TLE4: variants seen among roughly 807,000 people sequenced by gnomAD.
The protein encoded by TLE4 is TLE family member 4, transcriptional corepressor, also known as transducin-like enhancer protein 4.
In TLE4, 8 loss-of-function variants were observed where a neutral mutation model predicts 92.8. The observed-to-expected ratio is 0.09, with a 90% CI of 0.05 to 0.16. The LOEUF is 0.16. TLE4 is among the 10% of genes least tolerant of loss of function. The probability of loss-of-function intolerance (pLI) is 1.00; values close to 1 mark genes in which losing one functional copy is unlikely to be tolerated. For synonymous variants in TLE4, 371 were observed against 374.1 expected (o/e 0.99, Z 0.10); for missense variants, 675 against 997.6 (o/e 0.68, Z 4.36).
intron 7 of TLE4, among the ~76,000 whole-genome samples, chr9:79,653,126 TTGAC>T (rs1405064194): frequency 1.3e-5 from 2 of 152,232 alleles, no homozygotes; most frequent in African/African-American, 2.4e-5. Context: ...ATAGTTAACT[TTGAC>T]TGAATTTATT....
In TLE4 at chr9:79,652,586, A is replaced by G. The variant is rs1039953624; in HGVS notation, c.391-7A>G. 42 of 1,613,812 alleles carry G rather than the reference A, an allele frequency of 2.6e-5. No individual in the cohort carries two copies. The highest frequency in any genetic ancestry group is 5.3e-5 in the African/African-American group (4 of 74,874). ...ATTCAATATCTGTGTTTAATTTTTCACAGCAGCAACAACTCCAGGCCCAGC... is the reference window on the plus strand; with the variant it reads ...ATTCAATATCTGTGTTTAATTTTTCGCAGCAGCAACAACTCCAGGCCCAGC... On this transcript the variant is annotated splice_polypyrimidine_tract_variant and splice_region_variant and intron_variant, in intron 6 of 19. Transcript: ENST00000376552.
At chr9:79,598,736 G>A (rs924145552) in intron 4 of TLE4, among the ~76,000 whole-genome samples, 8 of 152,036 alleles carry the variant, frequency 5.3e-5, no homozygotes, top group African/African-American at 1.9e-4. Flanking sequence ...AGCCAGAAGG[G>A]TTTTCTTCCC....
intron 4 of TLE4, among the ~76,000 whole-genome samples, chr9:79,594,367 T>A (rs978748103): frequency 6.6e-6 from 1 of 152,242 alleles, no homozygotes; most frequent in African/African-American, 2.4e-5. Flanking sequence ...ATAGTTTATA[T>A]AGTTCATGAA....
At chr9:79,693,602 C>A in intron 8 of TLE4, 1 of 501,994 alleles carries the variant, frequency 2.0e-6, no homozygotes, top group Non-Finnish European at 3.9e-6. Context: ...GACATGCATG[C>A]ACACATGCCA....
chr9:79,660,280 G>A (rs1330006032), intron 8 of TLE4, among the ~76,000 whole-genome samples: 3 of 152,188 alleles, frequency 2.0e-5, no homozygotes, highest in Non-Finnish European at 2.9e-5. Context: ...TTGGAATGTA[G>A]CTATTTTCTT....
At chr9:79,642,162 G>A (rs781776528) in intron 6 of TLE4, among the ~76,000 whole-genome samples, 1 of 151,568 alleles carries the variant, frequency 6.6e-6, no homozygotes, top group South Asian at 2.1e-4. Context: ...CACCTCTGAC[G>A]TTCTAAGATC....
chr9:79,720,602 G>A (rs1329661741), intron 16 of TLE4, among the ~76,000 whole-genome samples: 8 of 151,994 alleles, frequency 5.3e-5, no homozygotes, highest in Non-Finnish European at 1.0e-4. Flanking sequence ...AATAAAATGA[G>A]GTCAATTTGA....
intron 4 of TLE4, among the ~76,000 whole-genome samples, chr9:79,602,033 ATAT>A (rs1239136496): frequency 6.6e-6 from 1 of 152,212 alleles, no homozygotes; most frequent in African/African-American, 2.4e-5. Flanking sequence ...ACCAGCCATA[ATAT>A]TCCCTTAAGC....
intron 4 of TLE4, among the ~76,000 whole-genome samples, chr9:79,606,082 G>A (rs1177150956): frequency 6.7e-6 from 1 of 149,298 alleles, no homozygotes; most frequent in Non-Finnish European, 1.5e-5. Flanking sequence ...AAAACAGCAA[G>A]TCTTAGTTTT....
chr9:79,680,090 C>G (rs1468794380), intron 8 of TLE4, among the ~76,000 whole-genome samples: 1 of 151,454 alleles, frequency 6.6e-6, no homozygotes, highest in Non-Finnish European at 1.5e-5. Flanking sequence ...GGATTGACTT[C>G]GTGATGCAGG....
chr9:79,699,240 T>G (rs939703076), intron 8 of TLE4, among the ~76,000 whole-genome samples: 2 of 152,142 alleles, frequency 1.3e-5, no homozygotes, highest in Non-Finnish European at 2.9e-5. Flanking sequence ...GAGGAAAATA[T>G]GATTGAGGAC....
At chr9:79,710,825 C>T (rs1046181061) in intron 14 of TLE4, among the ~76,000 whole-genome samples, 9 of 152,092 alleles carry the variant, frequency 5.9e-5, no homozygotes, top group African/African-American at 2.2e-4. Flanking sequence ...CTATAAGTTC[C>T]ATGAAAACAG....
chr9:79,578,830 GA>G (rs1304264837), intron 4 of TLE4, among the ~76,000 whole-genome samples: 1 of 123,354 alleles, frequency 8.1e-6, no homozygotes, highest in East Asian at 2.1e-4. Flanking sequence ...AGAATTAGTG[GA>G]TTTTTTTTTT....
chr9:79,707,674 T>C (rs1201225876), intron 11 of TLE4, among the ~76,000 whole-genome samples: 2 of 152,242 alleles, frequency 1.3e-5, no homozygotes, highest in Non-Finnish European at 2.9e-5. Context: ...CTTCTTTTAA[T>C]GGCACCTGCT....
At chr9:79,634,270 G>T (rs979748075) in intron 6 of TLE4, among the ~76,000 whole-genome samples, 1 of 152,064 alleles carries the variant, frequency 6.6e-6, no homozygotes, top group East Asian at 1.9e-4. Flanking sequence ...CAGCTTGCTG[G>T]TATTACATTG....
Position 79,653,602 on chromosome 9 carries a change from G to C in TLE4, c.593-457G>C, listed in dbSNP as rs528670853. 7.9e-5 allele frequency among the ~76,000 whole-genome samples: 12 copies of C among 152,258 alleles called. No homozygotes were observed. In the East Asian group the frequency reaches 2.3e-3, roughly 29 times the overall value. On this transcript the variant is annotated intron_variant, in intron 7 of 19. Coordinates refer to ENST00000376552, the MANE Select transcript of TLE4 (RefSeq NM_007005.6). The stretch of plus-strand genomic sequence containing the variant: ...TTACTTAGCACAAGGGTGGTTCATT[G>C]GCTTGAAGGGTGTGTTTCATAATTA...
chr9:79,665,089 A>G (rs2134595599), intron 8 of TLE4, among the ~76,000 whole-genome samples: 1 of 152,094 alleles, frequency 6.6e-6, no homozygotes, highest in East Asian at 1.9e-4. Flanking sequence ...GGTGGGAAGA[A>G]CTCCTTGTCA....
At chr9:79,660,431 C>T (rs534975870) in intron 8 of TLE4, among the ~76,000 whole-genome samples, 27 of 152,182 alleles carry the variant, frequency 1.8e-4, no homozygotes, top group African/African-American at 5.1e-4. Context: ...TTGAGGGGTT[C>T]GGTGGTAGGG....
chr9:79,721,203 A>AGT (rs2075580489), intron 16 of TLE4, among the ~76,000 whole-genome samples: 1 of 152,140 alleles, frequency 6.6e-6, no homozygotes. Flanking sequence ...TTTTGCCATG[A>AGT]GTGATTCCTG....
Sources: gnomAD v4.1 joint callset for allele counts (sites outside exome capture counted in the v4.1 genomes callset) on GRCh38, gnomAD v4.1.1 for gene constraint, MANE v1.5 for transcripts, NCBI Gene and HGNC (gene_info 2026-07-23, HGNC 2026-07-21) for gene names.